The following HDAC9 variants were observed in gnomAD, a reference collection of about 807,000 sequenced individuals.
The protein encoded by HDAC9 is histone deacetylase 9.
Under a neutral mutation model 139.4 loss-of-function variants are expected in HDAC9, and 41 were observed. That is an observed-to-expected ratio of 0.29 (90% confidence interval 0.23 to 0.38). The LOEUF (loss-of-function observed/expected upper bound fraction) is 0.38, where lower values mean the gene tolerates loss of function less well. Among genes scored for constraint, HDAC9 ranks in the 10% least tolerant of loss-of-function variants. The pLI, the probability that HDAC9 is intolerant of heterozygous loss-of-function variation, is 1.00. For missense variants in HDAC9, 1,147 were observed against 1,297.0 expected (o/e 0.88, Z 1.78); for synonymous variants, 517 against 476.2 (o/e 1.09, Z -1.12).
At chr7:18,978,791 C>G (rs1300273873) in intron 25 of HDAC9, among the ~76,000 whole-genome samples, 2 of 152,152 alleles carry the variant, frequency 1.3e-5, no homozygotes, top group Non-Finnish European at 2.9e-5. Flanking sequence ...AAGGTCAGTA[C>G]AGTACTCAGG....
chr7:18,444,459 A>C (rs1792106576), intron 1 of HDAC9, among the ~76,000 whole-genome samples: 1 of 152,032 alleles, frequency 6.6e-6, no homozygotes, highest in East Asian at 1.9e-4. Flanking sequence ...ATATCTTGTA[A>C]ATAAAAGGGG....
chr7:18,880,524 C>G (rs1799656539), intron 22 of HDAC9, among the ~76,000 whole-genome samples: 1 of 152,042 alleles, frequency 6.6e-6, no homozygotes, highest in Admixed American at 6.5e-5. Flanking sequence ...GAGCTGGAGG[C>G]TATTATCCTC....
intron 12 of HDAC9, among the ~76,000 whole-genome samples, chr7:18,719,331 C>CTTTTTTTG (rs1784951957): frequency 1.4e-5 from 1 of 73,896 alleles, no homozygotes; most frequent in Non-Finnish European, 2.4e-5. Context: ...TTTTCTCTTC[C>CTTTTTTTG]TTTTTTTTTT....
chr7:18,848,198 C>T (rs528044687), intron 21 of HDAC9, among the ~76,000 whole-genome samples: 2 of 152,078 alleles, frequency 1.3e-5, no homozygotes, highest in Non-Finnish European at 2.9e-5. Flanking sequence ...CTTTCCTAAG[C>T]GGAATTAAGG....
intron 1 of HDAC9, among the ~76,000 whole-genome samples, chr7:18,451,098 A>T (rs575780473): frequency 6.6e-6 from 1 of 152,296 alleles, no homozygotes; most frequent in South Asian, 2.1e-4. Context: ...TTAGGTCAGA[A>T]TGGCCTTGCC....
chr7:18,557,161 T>C (rs560744847), intron 2 of HDAC9, among the ~76,000 whole-genome samples: 1 of 152,072 alleles, frequency 6.6e-6, no homozygotes, highest in African/African-American at 2.4e-5. Context: ...ATTGTATGAT[T>C]GTGGTTATTT....
chr7:18,096,249 CT>C (rs1437020863), intron 1 of HDAC9, among the ~76,000 whole-genome samples: 1 of 152,166 alleles, frequency 6.6e-6, no homozygotes, highest in African/African-American at 2.4e-5. Context: ...AGTACAGGTA[CT>C]TTTGCCTGCC....
chr7:18,473,941 C>T (rs1219396542), intron 1 of HDAC9, among the ~76,000 whole-genome samples: 1 of 152,196 alleles, frequency 6.6e-6, no homozygotes, highest in Non-Finnish European at 1.5e-5. Context: ...GTGTTCCACA[C>T]ACATCACTTA....
At chr7:18,466,076 A>T (rs1278093505) in intron 1 of HDAC9, among the ~76,000 whole-genome samples, 1 of 152,226 alleles carries the variant, frequency 6.6e-6, no homozygotes, top group Non-Finnish European at 1.5e-5. Flanking sequence ...CTTGTTGCTC[A>T]TGCAAGTTGG....
chr7:18,958,476 A>C (rs914207235), intron 24 of HDAC9, among the ~76,000 whole-genome samples: 2 of 152,194 alleles, frequency 1.3e-5, no homozygotes, highest in African/African-American at 4.8e-5. Flanking sequence ...AGTGTCCATC[A>C]GTGGATGAGT....
chr7:18,368,679 G>C (rs1255831692), intron 1 of HDAC9, among the ~76,000 whole-genome samples: 1 of 151,892 alleles, frequency 6.6e-6, no homozygotes, highest in Non-Finnish European at 1.5e-5. Flanking sequence ...CATTATCTAA[G>C]CTTTATGATG....
chr7:18,270,311 G>A (rs1796277173), intron 2 of HDAC9, among the ~76,000 whole-genome samples: 2 of 147,002 alleles, frequency 1.4e-5, no homozygotes, highest in Admixed American at 6.8e-5. Context: ...AAAAAAAACT[G>A]TGACTTAGAA....
At position 18,999,057 on chromosome 7, in the gene HDAC9, CTT is replaced by C. The variant is rs1354559953; in HGVS notation, c.*2997_*2998del. 42 of 152,120 alleles carry C rather than the reference CTT, an allele frequency of 2.8e-4. No individual in the cohort carries two copies. Among genetic ancestry groups the C allele is most frequent in the African/African-American group, 1.0e-3 (42 of 41,424 alleles). 9.4% of individuals were successfully genotyped at this position (152,120 alleles called of 1,614,324 possible). A position where few individuals can be genotyped will look rare whatever the true frequency, so the allele number is the denominator to read the frequency against. ...GAAAGAACATTGTGAGATGAACTAT[CTT>C]TAAATATTGTAACAAGTTTATAACA... On this transcript the variant is annotated 3_prime_UTR_variant, in exon 26 of 26. Coordinates refer to ENST00000686413, the MANE Select transcript of HDAC9 (RefSeq NM_178425.4).
chr7:18,885,389 C>A (rs1188393035), intron 22 of HDAC9, among the ~76,000 whole-genome samples: 2 of 152,190 alleles, frequency 1.3e-5, no homozygotes, highest in African/African-American at 4.8e-5. Flanking sequence ...TGCTTCTCTG[C>A]ACTATCTTAT....
At position 18,871,814 on chromosome 7, in the gene HDAC9, C is replaced by T. The variant is rs990873677; in HGVS notation, c.2685-2664C>T. Reference sequence around the variant, plus strand: ...TCCATGGACATTCGTAAATTCATTGCCAAAATAAAGAGATCTGTGGAGTCT... The same window carrying T: ...TCCATGGACATTCGTAAATTCATTGTCAAAATAAAGAGATCTGTGGAGTCT... On this transcript the variant is annotated intron_variant, in intron 21 of 25. Transcript: ENST00000686413. 2.0e-5 allele frequency among the ~76,000 whole-genome samples: 3 copies of T among 152,100 alleles called. No individual in the cohort carries two copies. The South Asian group carries it at 6.3e-4, about 32-fold the overall frequency.
intron 12 of HDAC9, among the ~76,000 whole-genome samples, chr7:18,719,425 C>T (rs933809179): frequency 6.9e-6 from 1 of 144,810 alleles, no homozygotes; most frequent in African/African-American, 2.6e-5. Context: ...CTGCAACCTC[C>T]ATTTCCTGGG....
chr7:18,100,897 G>C (rs1235723285), intron 1 of HDAC9, among the ~76,000 whole-genome samples: 1 of 151,962 alleles, frequency 6.6e-6, no homozygotes, highest in Non-Finnish European at 1.5e-5. Flanking sequence ...TTAGTTACTG[G>C]GAAACAGCTT....
At chr7:18,981,796 G>A (rs956591162) in intron 25 of HDAC9, among the ~76,000 whole-genome samples, 3 of 152,110 alleles carry the variant, frequency 2.0e-5, no homozygotes, top group African/African-American at 7.2e-5. Context: ...AATCACTTTT[G>A]CCATGTAAGG....
At chr7:18,507,637 AT>A (rs1161734030) in intron 2 of HDAC9, among the ~76,000 whole-genome samples, 4 of 152,052 alleles carry the variant, frequency 2.6e-5, no homozygotes, top group Non-Finnish European at 4.4e-5. Context: ...GATTACACGC[AT>A]GTGCCACCAA....
Sources: allele counts gnomAD v4.1 joint callset (sites outside exome capture counted in the v4.1 genomes callset), GRCh38; gene constraint gnomAD v4.1.1; transcripts MANE v1.5; gene names NCBI Gene and HGNC (gene_info 2026-07-23, HGNC 2026-07-21).